RAD51B: variants seen among roughly 807,000 people sequenced by gnomAD.
RAD51B encodes RAD51 paralog B, also known as DNA repair protein RAD51 homolog 2.
RAD51B carries 38 observed loss-of-function variants against 42.2 expected under a neutral mutation model. That is an observed-to-expected ratio of 0.90 (90% CI 0.70 to 1.18). RAD51B has a LOEUF of 1.18. Ranked by LOEUF, RAD51B falls within the 50% of genes most tolerant of loss-of-function variation. RAD51B has a pLI of 0.00. For synonymous variants in RAD51B, 154 were observed against 145.2 expected, an observed-to-expected ratio of 1.06 and a Z score of -0.43; for missense variants, 373 against 400.7, an observed-to-expected ratio of 0.93 and a Z score of 0.59.
chr14:68,599,435 C>A (rs1302692044), downstream of RAD51B, among the ~76,000 whole-genome samples: 2 of 152,126 alleles, frequency 1.3e-5, no homozygotes, highest in Non-Finnish European at 2.9e-5. Context: ...AGTAGGCTCC[C>A]AAATGGGTAG....
intron 7 of RAD51B, among the ~76,000 whole-genome samples, chr14:68,071,868 C>T (rs2076745114): frequency 6.6e-6 from 1 of 151,132 alleles, no homozygotes; most frequent in African/African-American, 2.4e-5. Flanking sequence ...TAGGATTCTG[C>T]TGTGAATCTA....
At chr14:67,977,379 T>C (rs1257251193) in intron 7 of RAD51B, among the ~76,000 whole-genome samples, 1 of 152,232 alleles carries the variant, frequency 6.6e-6, no homozygotes, top group African/African-American at 2.4e-5. Flanking sequence ...TTTATTATTT[T>C]CCTGAAGAAA....
intron 7 of RAD51B, among the ~76,000 whole-genome samples, chr14:68,098,088 A>C (rs1399709487): frequency 6.6e-6 from 1 of 152,118 alleles, no homozygotes; most frequent in African/African-American, 2.4e-5. Context: ...GACTCTTTTC[A>C]TATTAAACTG....
intron 9 of RAD51B, among the ~76,000 whole-genome samples, chr14:68,420,217 A>C (rs1443452399): frequency 2.6e-5 from 4 of 152,306 alleles, no homozygotes; most frequent in South Asian, 2.1e-4. Flanking sequence ...CTGAGATGTA[A>C]GATGGTGGTT....
intron 7 of RAD51B, among the ~76,000 whole-genome samples, chr14:67,893,501 C>CAA (rs1198578503): frequency 2.3e-4 from 22 of 96,084 alleles, no homozygotes; most frequent in African/African-American, 1.2e-3. Flanking sequence ...CACACACACA[C>CAA]ACACACACAA....
At chr14:68,166,069 A>G (rs2078743217) in intron 7 of RAD51B, among the ~76,000 whole-genome samples, 1 of 151,908 alleles carries the variant, frequency 6.6e-6, no homozygotes, top group African/African-American at 2.4e-5. Flanking sequence ...TGGTGATGAT[A>G]GTATAGGGGA....
chr14:68,180,070 C>T (rs938087938), intron 7 of RAD51B, among the ~76,000 whole-genome samples: 47 of 152,156 alleles, frequency 3.1e-4, no homozygotes, highest in Admixed American at 1.4e-3. Flanking sequence ...CCTATGGCAC[C>T]GACAATTCCT....
At position 68,183,679 on chromosome 14, in the gene RAD51B, GGTTCAC is replaced by G. The variant is rs1351896674; in HGVS notation, c.757-108204_757-108199del. On this transcript the variant is annotated intron_variant, in intron 7 of 10. Transcript: ENST00000471583. ...GTTTCAGAGTTGGGCTAGGCACGATGGTTCACACCTGTAATCCCAGCACGTTGAAAG... is the reference window on the plus strand; with the variant it reads ...GTTTCAGAGTTGGGCTAGGCACGATGACCTGTAATCCCAGCACGTTGAAAG... Among the ~76,000 whole-genome samples, 434 of 152,272 alleles carry G rather than the reference GGTTCAC, an allele frequency of 2.9e-3. 2 individuals carry two copies. Among genetic ancestry groups the G allele is most frequent in the African/African-American group, 0.01 (416 of 41,548 alleles).
chr14:68,133,288 G>A (rs181155297), intron 7 of RAD51B, among the ~76,000 whole-genome samples: 2 of 152,240 alleles, frequency 1.3e-5, no homozygotes, highest in African/African-American at 4.8e-5. Context: ...TCTACTCAAG[G>A]ATTACTCTGT....
chr14:68,161,730 C>CTCA, intron 7 of RAD51B, among the ~76,000 whole-genome samples: 1 of 152,224 alleles, frequency 6.6e-6, no homozygotes, highest in Admixed American at 6.5e-5. Flanking sequence ...AGGATCTTAA[C>CTCA]TTTGACCCAA....
intron 10 of RAD51B, among the ~76,000 whole-genome samples, chr14:68,608,849 G>T (rs1891559880): frequency 6.6e-6 from 1 of 152,104 alleles, no homozygotes; most frequent in South Asian, 2.1e-4. Flanking sequence ...AGCCCTGCTG[G>T]TCCCTCTTCC....
chr14:68,035,902 T>G (rs1262977100), intron 7 of RAD51B, among the ~76,000 whole-genome samples: 1 of 152,244 alleles, frequency 6.6e-6, no homozygotes, highest in Non-Finnish European at 1.5e-5. Flanking sequence ...AGTCATAATG[T>G]GTAATGATGG....
chr14:68,185,904 C>T lies in RAD51B; in HGVS notation c.757-105980C>T, dbSNP rs533837717. Among the ~76,000 whole-genome samples, 9 of 152,238 alleles carry T rather than the reference C, an allele frequency of 5.9e-5. No homozygotes were observed. In the South Asian group the frequency reaches 1.9e-3, roughly 32 times the overall value. ...AGTGTTGGTCCATGGCCTGGGGGTA[C>T]CCCTGCACAAATCTAAAAACTCTCC... is the stretch of plus-strand genomic sequence containing the variant. On this transcript the variant is annotated intron_variant, in intron 7 of 10. Coordinates refer to ENST00000471583, the MANE Select transcript of RAD51B (RefSeq NM_133510.4).
At chr14:68,053,024 T>C (rs1019775673) in intron 7 of RAD51B, among the ~76,000 whole-genome samples, 2 of 152,196 alleles carry the variant, frequency 1.3e-5, no homozygotes, top group African/African-American at 2.4e-5. Flanking sequence ...GCCATATTTA[T>C]ATTTAACCTA....
Position 68,340,407 on chromosome 14 carries a change from G to GGA in RAD51B, c.853+48436_853+48437dup, listed in dbSNP as rs201403676. Among the ~76,000 whole-genome samples, 103 of 152,244 alleles carry GGA rather than the reference G, an allele frequency of 6.8e-4. 2 individuals are homozygous for GGA. The East Asian group carries it at 0.014, about 21-fold the overall frequency. ...TGGATCTAGGACAGATGGGCTCCTG[G>GGA]GAGAGAGAGACTGAGAGTTTGACAC... is the stretch of plus-strand genomic sequence containing the variant. On this transcript the variant is annotated intron_variant, in intron 8 of 10. Coordinates refer to ENST00000471583, the MANE Select transcript of RAD51B (RefSeq NM_133510.4).
chr14:67,947,135 A>T (rs2045423047), intron 7 of RAD51B, among the ~76,000 whole-genome samples: 1 of 152,206 alleles, frequency 6.6e-6, no homozygotes, highest in African/African-American at 2.4e-5. Context: ...TTAAATATTA[A>T]CTATTGCTAT....
chr14:68,208,273 T>C (rs1024232595), intron 7 of RAD51B, among the ~76,000 whole-genome samples: 6 of 152,158 alleles, frequency 3.9e-5, no homozygotes, highest in African/African-American at 1.4e-4. Context: ...AAACAAGGTG[T>C]GGTAAAGGTT....
chr14:68,437,039 A>G (rs1453626405), intron 9 of RAD51B, among the ~76,000 whole-genome samples: 1 of 152,106 alleles, frequency 6.6e-6, no homozygotes, highest in Non-Finnish European at 1.5e-5. Context: ...TCTGGCTAGG[A>G]CTTCCAGTAC....
intron 10 of RAD51B, among the ~76,000 whole-genome samples, chr14:68,575,050 T>C (rs1242456802): frequency 6.6e-6 from 1 of 152,184 alleles, no homozygotes; most frequent in East Asian, 1.9e-4. Context: ...AATGACTTTT[T>C]CTCTAGTGGG....
Sources: gnomAD v4.1 joint callset for allele counts (sites outside exome capture counted in the v4.1 genomes callset) on GRCh38, gnomAD v4.1.1 for gene constraint, MANE v1.5 for transcripts, NCBI Gene and HGNC (gene_info 2026-07-23, HGNC 2026-07-21) for gene names.